SPANXN4: variants seen among roughly 807,000 people sequenced by gnomAD.
SPANXN4 encodes SPANX family member N4.
SPANXN4 carries 5 observed loss-of-function variants against 6.0 expected under a neutral mutation model. The ratio of observed to expected loss-of-function variants is 0.83; its 90% CI spans 0.44 to 1.75. SPANXN4 has a LOEUF of 1.75. Ranked by LOEUF, SPANXN4 falls within the 40% of genes most tolerant of loss-of-function variation. The probability of loss-of-function intolerance (pLI) is 0.02; values close to 1 mark genes in which losing one functional copy is unlikely to be tolerated. For missense variants in SPANXN4, 157 were observed against 108.6 expected, an observed-to-expected ratio of 1.45 and a Z score of -1.98; for synonymous variants, 45 against 38.0, an observed-to-expected ratio of 1.19 and a Z score of -0.68.
intron 1 of SPANXN4, among the ~76,000 whole-genome samples, chrX:143,028,950 T>G (rs1395487455): frequency 8.9e-6 from 1 of 112,089 alleles, no homozygotes; most frequent in Non-Finnish European, 1.9e-5. Flanking sequence ...TGCGCACGTA[T>G]AAAAGTACAG....
chrX:143,032,628 CA>C (rs1286578288), intron 1 of SPANXN4, among the ~76,000 whole-genome samples: 1 of 110,417 alleles, frequency 9.1e-6, no homozygotes, highest in African/African-American at 3.3e-5. Context: ...CGGAGATAAG[CA>C]AAGCACTTTT....
exon 1 of SPANXN4, chrX:143,026,035 C>A (rs1369316016): frequency 8.3e-7 from 1 of 1,209,558 alleles, no homozygotes; most frequent in African/African-American, 1.7e-5. Flanking sequence ...CAACTTCCAG[C>A]ACCAACGAGA....
At chrX:143,030,127 C>T (rs1019207081) in intron 1 of SPANXN4, among the ~76,000 whole-genome samples, 1 of 108,588 alleles carries the variant, frequency 9.2e-6, no homozygotes, top group Admixed American at 9.8e-5. Context: ...CCATGTGAGG[C>T]CGTGTAAAGC....
intron 1 of SPANXN4, among the ~76,000 whole-genome samples, chrX:143,027,554 T>G (rs1932785564): frequency 9.0e-6 from 1 of 111,381 alleles, no homozygotes; most frequent in Non-Finnish European, 1.9e-5. Context: ...TGGGTGGATC[T>G]GATAGACTGG....
intron 1 of SPANXN4, 134 bp from the exon 2 acceptor site, chrX:143,033,891 T>G (rs1932826550): frequency 1.8e-6 from 1 of 556,593 alleles, no homozygotes; most frequent in East Asian, 3.6e-5. Flanking sequence ...ACCCTATGAT[T>G]CCACCTTGCT....
At chrX:143,034,332 T>C (rs1932831766) in intron 2 of SPANXN4, 21 bp downstream of exon 2, 2 of 1,021,308 alleles carry the variant, frequency 2.0e-6, no homozygotes, top group South Asian at 2.5e-5. Flanking sequence ...TACCTCTGCC[T>C]TTTTTTCTGA....
At chrX:143,027,935 G>A (rs1194944900) in intron 1 of SPANXN4, among the ~76,000 whole-genome samples, 1 of 111,192 alleles carries the variant, frequency 9.0e-6, no homozygotes, top group Non-Finnish European at 1.9e-5. Context: ...ATTGGCATGG[G>A]CTATCCAGGG....
chrX:143,037,961 G>T (rs1932851602), downstream of SPANXN4, among the ~76,000 whole-genome samples: 1 of 111,339 alleles, frequency 9.0e-6, no homozygotes, highest in Non-Finnish European at 1.9e-5. Flanking sequence ...AAATTACCCA[G>T]TCTCAAGCAG....
intron 1 of SPANXN4, among the ~76,000 whole-genome samples, chrX:143,033,609 T>G (rs768926439): frequency 6.3e-5 from 7 of 111,735 alleles, no homozygotes; most frequent in African/African-American, 2.0e-4. Context: ...GATATTCTTA[T>G]GATCAGGTGG....
downstream of SPANXN4, among the ~76,000 whole-genome samples, chrX:143,035,793 G>A (rs1932840928): frequency 9.2e-6 from 1 of 109,053 alleles, no homozygotes; most frequent in African/African-American, 3.3e-5. Flanking sequence ...TGTGACAATA[G>A]CAGCTAAAAT....
intron 2 of SPANXN4, chrX:143,034,295 T>A: frequency 1.8e-6 from 2 of 1,105,085 alleles, no homozygotes; most frequent in Non-Finnish European, 2.4e-6. Context: ...TACAATAAAA[T>A]CAGTTTGAGG....
chrX:143,034,775 G>T, downstream of SPANXN4: 1 of 1,042,875 alleles, frequency 9.6e-7, no homozygotes. Context: ...ATGGTGTTTG[G>T]AGGACATGCT....
At chrX:143,032,846 C>T (rs928260148) in intron 1 of SPANXN4, among the ~76,000 whole-genome samples, 7 of 110,569 alleles carry the variant, frequency 6.3e-5, no homozygotes, top group African/African-American at 2.3e-4. Flanking sequence ...AGTGAATACC[C>T]CGGAGAAAAG....
intron 1 of SPANXN4, among the ~76,000 whole-genome samples, chrX:143,027,424 G>A (rs956550673): frequency 9.0e-6 from 1 of 111,281 alleles, no homozygotes; most frequent in African/African-American, 3.3e-5. Context: ...CATGAAGAGC[G>A]GCTCTGGCAG....
intron 1 of SPANXN4, among the ~76,000 whole-genome samples, chrX:143,033,680 T>C (rs1483080969): frequency 8.9e-6 from 1 of 111,908 alleles, no homozygotes; most frequent in Non-Finnish European, 1.9e-5. Context: ...CCCAGAAAGA[T>C]ATGATAGCAA....
chrX:143,027,916 C>T (rs1013928712), intron 1 of SPANXN4, among the ~76,000 whole-genome samples: 1 of 111,062 alleles, frequency 9.0e-6, no homozygotes, highest in African/African-American at 3.3e-5. Context: ...TCCTGCATTA[C>T]TGTGGGAAAT....
chrX:143,026,202 G>C, intron 1 of SPANXN4, 110 bp downstream of exon 1: 1 of 663,194 alleles, frequency 1.5e-6, no homozygotes, highest in East Asian at 3.6e-5. Flanking sequence ...AGAAATGTGG[G>C]GCCAGCTTCA....
At chrX:143,027,748 G>T (rs747621420) in intron 1 of SPANXN4, among the ~76,000 whole-genome samples, 1 of 110,010 alleles carries the variant, frequency 9.1e-6, no homozygotes, top group Non-Finnish European at 1.9e-5. Flanking sequence ...GAGGGAGTGT[G>T]ACTGATTTAA....
At chrX:143,034,164 C>T (rs1280587405) in exon 2 of SPANXN4, 2 of 1,181,162 alleles carry the variant, frequency 1.7e-6, no homozygotes, top group Admixed American at 4.9e-5. Flanking sequence ...AACCAGCCTA[C>T]AGAGAGCTCC....
Sources: allele counts gnomAD v4.1 joint callset (sites outside exome capture counted in the v4.1 genomes callset), GRCh38; gene constraint gnomAD v4.1.1; transcripts MANE v1.5; gene names NCBI Gene and HGNC (gene_info 2026-07-23, HGNC 2026-07-21).